Variants in SAMSN1 observed in about 807,000 individuals in gnomAD.
SAMSN1 encodes SAM domain-containing protein SAMSN-1.
A neutral mutation model predicts 42.0 loss-of-function variants in SAMSN1; 31 were observed. The ratio of observed to expected loss-of-function variants is 0.74; its 90% confidence interval spans 0.55 to 1.00. The LOEUF (loss-of-function observed/expected upper bound fraction) is 1.00, where lower values mean the gene tolerates loss of function less well. Ranked by LOEUF, SAMSN1 falls within the 50% of genes least tolerant of loss-of-function variation. The probability of loss-of-function intolerance (pLI) is 0.00; values close to 1 mark genes in which losing one functional copy is unlikely to be tolerated. For synonymous variants in SAMSN1, 178 were observed against 151.9 expected, an observed-to-expected ratio of 1.17 and a Z score of -1.26; for missense variants, 464 against 439.4, an observed-to-expected ratio of 1.06 and a Z score of -0.50.
At position 14,613,337 on chromosome 21, in the gene SAMSN1, C is replaced by T. The variant is rs145629441; in HGVS notation, c.198-424G>A. Among the ~76,000 whole-genome samples, 792 of 152,112 alleles carry T rather than the reference C, an allele frequency of 5.2e-3. 7 individuals carry two copies. Among genetic ancestry groups the T allele is most frequent in the African/African-American group, 0.018 (739 of 41,496 alleles). On this transcript the variant is annotated intron_variant, in intron 3 of 15. Transcript: ENST00000647101. ...AATAATCATCAATTATTGATAAAGCCTAATTGAAAGGCTGATGGGCAACTT... is the reference window on the plus strand; with the variant it reads ...AATAATCATCAATTATTGATAAAGCTTAATTGAAAGGCTGATGGGCAACTT...
chr21:14,541,272 A>G (rs1018377906), intron 1 of SAMSN1, among the ~76,000 whole-genome samples: 1 of 152,020 alleles, frequency 6.6e-6, no homozygotes, highest in Non-Finnish European at 1.5e-5. Flanking sequence ...AAAGTATAAT[A>G]ATGGAAAAAT....
chr21:14,649,701 C>T (rs1229661298), intron 1 of SAMSN1, among the ~76,000 whole-genome samples: 4 of 151,380 alleles, frequency 2.6e-5, no homozygotes, highest in African/African-American at 7.3e-5. Flanking sequence ...ACCCAGGAGG[C>T]GGACATTGCA....
intron 1 of SAMSN1, among the ~76,000 whole-genome samples, chr21:14,539,316 T>C (rs938990525): frequency 6.6e-6 from 1 of 152,100 alleles, no homozygotes; most frequent in Non-Finnish European, 1.5e-5. Flanking sequence ...GAGAAAGAAA[T>C]AAAGGGTATT....
At chr21:14,511,659 G>A (rs895342690) in intron 4 of SAMSN1, among the ~76,000 whole-genome samples, 1 of 152,146 alleles carries the variant, frequency 6.6e-6, no homozygotes, top group Non-Finnish European at 1.5e-5. Flanking sequence ...TAAAAACCCT[G>A]AAAAGATTAG....
At chr21:14,586,269 AAAAAAAAAAG>A (rs1219084142), upstream of SAMSN1, among the ~76,000 whole-genome samples, 6 of 150,242 alleles carry the variant, frequency 4.0e-5, no homozygotes, top group South Asian at 2.1e-4. Context: ...TCTCAAAAAA[AAAAAAAAAAG>A]AAAAAGAAAA....
At chr21:14,650,197 T>A (rs911989536) in intron 1 of SAMSN1, among the ~76,000 whole-genome samples, 1 of 152,142 alleles carries the variant, frequency 6.6e-6, no homozygotes, top group Non-Finnish European at 1.5e-5. Context: ...ATTGATCTAA[T>A]AGATATTTAC....
At chr21:14,548,276 A>T (rs1204964031), upstream of SAMSN1, among the ~76,000 whole-genome samples, 2 of 152,198 alleles carry the variant, frequency 1.3e-5, no homozygotes, top group African/African-American at 4.8e-5. Flanking sequence ...AATAAAGGAC[A>T]TACTTATTAG....
At chr21:14,519,122 T>A (rs1015513387) in intron 2 of SAMSN1, among the ~76,000 whole-genome samples, 2 of 152,166 alleles carry the variant, frequency 1.3e-5, no homozygotes, top group Non-Finnish European at 2.9e-5. Context: ...ACTTATGGTT[T>A]TGTTCTTGTC....
chr21:14,534,015 A>C (rs151265550), intron 1 of SAMSN1, among the ~76,000 whole-genome samples: 259 of 152,344 alleles, frequency 1.7e-3, no homozygotes, highest in African/African-American at 6.0e-3. Context: ...TCTGCAAAGC[A>C]ACACCCTTTT....
chr21:14,487,005 G>T (rs751073019), intron 7 of SAMSN1, among the ~76,000 whole-genome samples: 1 of 152,044 alleles, frequency 6.6e-6, no homozygotes, highest in Non-Finnish European at 1.5e-5. Flanking sequence ...TTTCTTGATG[G>T]GTGTTTCTGC....
At chr21:14,546,860 C>T (rs1479857675), upstream of SAMSN1, among the ~76,000 whole-genome samples, 1 of 152,080 alleles carries the variant, frequency 6.6e-6, no homozygotes, top group East Asian at 1.9e-4. Context: ...CAGGTGTGTG[C>T]CACCATGCCT....
At chr21:14,544,201 C>T (rs1278373353) in intron 1 of SAMSN1, among the ~76,000 whole-genome samples, 1 of 152,162 alleles carries the variant, frequency 6.6e-6, no homozygotes, top group African/African-American at 2.4e-5. Context: ...CATGCACGTG[C>T]CACCATGCCC....
intron 1 of SAMSN1, among the ~76,000 whole-genome samples, chr21:14,527,537 C>G (rs1455028588): frequency 6.6e-6 from 1 of 152,140 alleles, no homozygotes; most frequent in African/African-American, 2.4e-5. Flanking sequence ...CATCTGGACT[C>G]TAAGAACAAA....
intron 2 of SAMSN1, among the ~76,000 whole-genome samples, chr21:14,622,717 C>G (rs1360610866): frequency 1.3e-5 from 2 of 152,166 alleles, no homozygotes; most frequent in Non-Finnish European, 2.9e-5. Flanking sequence ...TCAAGGAGAA[C>G]TTCCCCAACC....
intron 2 of SAMSN1, among the ~76,000 whole-genome samples, chr21:14,630,745 A>G (rs1222709584): frequency 6.6e-6 from 1 of 152,208 alleles, no homozygotes; most frequent in Non-Finnish European, 1.5e-5. Flanking sequence ...GATTACGTGC[A>G]CTGTTTTGAC....
rs764401577 is a variant in SAMSN1 at position 14,536,949 on chromosome 21, CT to C, written c.57+9255del. On this transcript the variant is annotated intron_variant, in intron 1 of 7. Coordinates refer to ENST00000400566, the MANE Select transcript of SAMSN1 (RefSeq NM_022136.5). ...AACACCAAAGTCAACTGGGCCGTTC[CT>C]TTGTCTGAACCACAGTTATCCCTTG... Among the ~76,000 whole-genome samples the C allele has an allele frequency of 2.7e-4, 41 of 152,304 alleles. 1 individual carries two copies. Among genetic ancestry groups the C allele is most frequent in the Admixed American group, 5.2e-4 (8 of 15,300 alleles).
intron 7 of SAMSN1, 61 bp downstream of exon 7, chr21:14,498,381 A>T: frequency 7.1e-7 from 1 of 1,410,136 alleles, no homozygotes; most frequent in Non-Finnish European, 9.6e-7. Flanking sequence ...GTTTCTAATG[A>T]TTATACTATT....
chr21:14,622,326 G>T (rs565777969), intron 2 of SAMSN1, among the ~76,000 whole-genome samples: 35 of 152,348 alleles, frequency 2.3e-4, no homozygotes, highest in African/African-American at 8.4e-4. Flanking sequence ...ACTTCTCCGA[G>T]CTAAAGGAAG....
chr21:14,606,421 T>A (rs1982573128), intron 5 of SAMSN1, among the ~76,000 whole-genome samples: 1 of 152,176 alleles, frequency 6.6e-6, no homozygotes, highest in African/African-American at 2.4e-5. Flanking sequence ...AAAACTCTGT[T>A]CTTGAAATTA....
Sources: allele counts gnomAD v4.1 joint callset (sites outside exome capture counted in the v4.1 genomes callset), GRCh38; gene constraint gnomAD v4.1.1; transcripts MANE v1.5; gene names NCBI Gene and HGNC (gene_info 2026-07-23, HGNC 2026-07-21).